Variants in SPG11 observed in about 807,000 individuals in gnomAD.
The protein encoded by SPG11 is SPG11 vesicle trafficking associated, spatacsin.
Under a neutral mutation model 274.0 loss-of-function variants are expected in SPG11, and 222 were observed. That is an observed-to-expected ratio of 0.81 (90% CI 0.73 to 0.91). SPG11 has a LOEUF of 0.91. SPG11 is among the 40% of genes least tolerant of loss of function. The probability of loss-of-function intolerance (pLI) is 0.00; values close to 1 mark genes in which losing one functional copy is unlikely to be tolerated. For missense variants in SPG11, 3,114 were observed against 2,872.7 expected, an observed-to-expected ratio of 1.08 and a Z score of -1.92; for synonymous variants, 1,144 against 1,039.7, an observed-to-expected ratio of 1.10 and a Z score of -1.93.
chr15:44,567,651 A>C, intron 35 of SPG11, 59 bp from the exon 36 acceptor site: 3 of 1,575,302 alleles, frequency 1.9e-6, no homozygotes, highest in Non-Finnish European at 2.6e-6. Context: ...GGCAGACAGG[A>C]CTAGCTGAGT....
chr15:44,591,817 A>G (rs1439245441), intron 27 of SPG11, among the ~76,000 whole-genome samples: 2 of 152,144 alleles, frequency 1.3e-5, no homozygotes, highest in South Asian at 2.1e-4. Context: ...TATAAAAAAA[A>G]TATTAAAAAT....
chr15:44,570,499 A>T, intron 34 of SPG11, 26 bp downstream of exon 34: 1 of 1,613,916 alleles, frequency 6.2e-7, no homozygotes, highest in South Asian at 1.1e-5. Flanking sequence ...CACAGGATGG[A>T]GACTGGGGTT....
intron 7 of SPG11, among the ~76,000 whole-genome samples, chr15:44,636,180 G>T (rs1396247584): frequency 1.3e-5 from 2 of 151,948 alleles, no homozygotes; most frequent in African/African-American, 4.8e-5. Context: ...ATATTGGTGG[G>T]AGTTATGTTG....
At chr15:44,629,415 T>A in intron 8 of SPG11, 27 bp from the exon 9 acceptor site, 2 of 1,607,922 alleles carry the variant, frequency 1.2e-6, no homozygotes, top group African/African-American at 1.3e-5. Context: ...GAAATTAACA[T>A]AAAGAACACC....
chr15:44,605,895 T>C (rs2083305338), intron 20 of SPG11, 130 bp downstream of exon 20: 6 of 812,760 alleles, frequency 7.4e-6, no homozygotes, highest in South Asian at 4.4e-5. Context: ...TTGCGAACTA[T>C]TTTTCCTTTG....
intron 23 of SPG11, among the ~76,000 whole-genome samples, chr15:44,597,405 C>A (rs529712753): frequency 2.0e-5 from 3 of 152,082 alleles, no homozygotes; most frequent in Non-Finnish European, 4.4e-5. Context: ...AGCCACTGTG[C>A]CTGGCCAAAA....
intron 22 of SPG11, 124 bp from the exon 23 acceptor site, chr15:44,598,497 AAAG>A (rs1377211433): frequency 8.0e-7 from 1 of 1,250,446 alleles, no homozygotes; most frequent in Non-Finnish European, 1.2e-6. Context: ...AAAGTGAGAC[AAAG>A]AACACACACT....
chr15:44,570,464 C>A, intron 34 of SPG11, 61 bp downstream of exon 34: 1 of 1,609,960 alleles, frequency 6.2e-7, no homozygotes. Context: ...TGGCTCCCAC[C>A]CTTTCTACTA....
intron 33 of SPG11, 117 bp from the exon 34 acceptor site, chr15:44,570,775 G>GGCCCTC: frequency 1.5e-6 from 2 of 1,339,124 alleles, no homozygotes; most frequent in Non-Finnish European, 2.1e-6. Context: ...GGAGAGGGCC[G>GGCCCTC]TCCCATCAGC....
At chr15:44,611,091 TAAAAAAAAAAAAA>T in intron 17 of SPG11, 106 bp from the exon 18 acceptor site, 67 of 68,932 alleles carry the variant, frequency 9.7e-4, no homozygotes, top group East Asian at 5.3e-3. Flanking sequence ...CTATCCCCAG[TAAAAAAAAAAAAA>T]AAAAAAAAAA....
intron 21 of SPG11, among the ~76,000 whole-genome samples, chr15:44,599,612 T>C (rs2140980284): frequency 6.6e-6 from 1 of 152,274 alleles, no homozygotes; most frequent in South Asian, 2.1e-4. Context: ...CAAGACATTA[T>C]TAACCATGTT....
intron 36 of SPG11, 65 bp from the exon 37 acceptor site, chr15:44,566,370 CATT>C (rs2082309615): frequency 6.0e-6 from 9 of 1,490,662 alleles, no homozygotes; most frequent in African/African-American, 2.8e-5. Flanking sequence ...TCATCCCACT[CATT>C]GTGATCGTGG....
rs1309027007 is a variant in SPG11, at chr15:44,584,246, C to G, written c.5434G>C (p.Gly1812Arg). The G allele has an allele frequency of 3.1e-6, 5 of 1,614,040 alleles. No individual in the cohort carries two copies. The highest frequency in any genetic ancestry group is 3.4e-6 in the Non-Finnish European group (4 of 1,180,038). The change falls in exon 30 of 40, where the codon GGA becomes CGA. Residue 1812 changes from glycine to arginine, a missense_variant. Transcript: ENST00000261866. ...WLCRITQHTLGRNQEETEPRF... is the reference protein window; with the variant it reads ...WLCRITQHTLRRNQEETEPRF... ...GGCTCTGTTTCCTCCTGATTTCTTC[C>G]AAGAGTGTGCTGGGTGATGCGGCAC...
intron 7 of SPG11, among the ~76,000 whole-genome samples, chr15:44,643,045 A>G (rs1348005872): frequency 6.6e-6 from 1 of 152,204 alleles, no homozygotes; most frequent in African/African-American, 2.4e-5. Context: ...CTTAAAATAT[A>G]TATTACTCAT....
At chr15:44,592,565 T>C (rs1178654340) in intron 26 of SPG11, 127 bp from the exon 27 acceptor site, 1 of 694,654 alleles carries the variant, frequency 1.4e-6, no homozygotes, top group African/African-American at 1.8e-5. Flanking sequence ...ATGCCTGTAA[T>C]GCCAGCACTT....
intron 17 of SPG11, among the ~76,000 whole-genome samples, chr15:44,612,937 G>T (rs1031194431): frequency 1.3e-5 from 2 of 152,120 alleles, no homozygotes; most frequent in African/African-American, 4.8e-5. Context: ...GTCCTCAGGG[G>T]TAAGAAGCCT....
intron 35 of SPG11, 141 bp from the exon 36 acceptor site, chr15:44,567,733 T>G: frequency 1.1e-6 from 1 of 886,718 alleles, no homozygotes; most frequent in Non-Finnish European, 1.8e-6. Context: ...ACAAGTTTTA[T>G]GCTGTCCCAA....
At position 44,648,985 on chromosome 15, in the gene SPG11, CAAACAA is replaced by C. The variant is rs758015273; in HGVS notation, c.1477_1482del (p.Leu493_Phe494del). The C allele has an allele frequency of 6.2e-7, 1 of 1,613,476 alleles. No individual in the cohort carries two copies. The highest frequency in any genetic ancestry group is 1.7e-5 in the Admixed American group (1 of 59,998). ...TTTAAAAACTCTTCTTGAGTCAAAC[CAAACAA>C]AATCAGAGAGAGTCCATTCTCTATA... On this transcript the variant is annotated inframe_deletion, in exon 7 of 40. Coordinates refer to ENST00000261866, the MANE Select transcript of SPG11 (RefSeq NM_025137.4).
chr15:44,604,913 G>A (rs1280899090), intron 20 of SPG11, among the ~76,000 whole-genome samples: 5 of 117,250 alleles, frequency 4.3e-5, no homozygotes, highest in Non-Finnish European at 6.6e-5. Flanking sequence ...CAGCCTGGGC[G>A]GAACAAGACT....
Sources: allele counts gnomAD v4.1 joint callset (sites outside exome capture counted in the v4.1 genomes callset), GRCh38; gene constraint gnomAD v4.1.1; transcripts MANE v1.5; gene names NCBI Gene and HGNC (gene_info 2026-07-23, HGNC 2026-07-21).